The following HTT variants were observed in gnomAD, a reference collection of about 807,000 sequenced individuals.
HTT encodes huntingtin, also known as huntington disease protein.
Under a neutral mutation model 362.3 loss-of-function variants are expected in HTT, and 104 were observed. That is an observed-to-expected ratio of 0.29 (90% CI 0.24 to 0.34). The LOEUF (loss-of-function observed/expected upper bound fraction) is 0.34, where lower values mean the gene tolerates loss of function less well. HTT is among the 10% of genes least tolerant of loss of function. The probability of loss-of-function intolerance (pLI) is 1.00; values close to 1 mark genes in which losing one functional copy is unlikely to be tolerated. For missense variants in HTT, 3,301 were observed against 3,928.6 expected, an observed-to-expected ratio of 0.84 and a Z score of 4.27; for synonymous variants, 1,577 against 1,548.7, an observed-to-expected ratio of 1.02 and a Z score of -0.43.
Position 3,176,027 on chromosome 4 carries a change from T to TTG in HTT, c.4407+921_4407+922insGT, listed in dbSNP as rs1351503682. Among the ~76,000 whole-genome samples, 112 of 141,968 alleles carry TTG rather than the reference T, an allele frequency of 7.9e-4. 1 individual carries two copies. The highest frequency in any genetic ancestry group is 3.1e-3 in the African/African-American group (102 of 32,980). The allele number at this position is 141,968 out of a possible 152,430, so 93.1% of individuals were successfully genotyped here. On this transcript the variant is annotated intron_variant, in intron 33 of 66. Coordinates refer to ENST00000355072, the MANE Select transcript of HTT (RefSeq NM_001388492.1). ...TGTTTTTTTTGTTGTTGTTGTTTGT[T>TTG]TTTTTTTGTTTTTTTTTTGAGATGG... is the stretch of plus-strand genomic sequence containing the variant.
chr4:3,186,802 A>G, intron 38 of HTT, 83 bp downstream of exon 38: 7 of 904,834 alleles, frequency 7.7e-6, no homozygotes, highest in East Asian at 3.8e-5. Context: ...AGAATGTCTG[A>G]GTCAGTCAGT....
At chr4:3,179,576 G>C (rs1405023209) in intron 35 of HTT, among the ~76,000 whole-genome samples, 4 of 151,992 alleles carry the variant, frequency 2.6e-5, no homozygotes, top group African/African-American at 9.7e-5. Context: ...TGAGGGGTCA[G>C]AGGGTGCCTC....
chr4:3,132,877 C>T lies in HTT; in HGVS notation c.2459C>T (p.Ser820Phe), dbSNP rs370174870. The T allele has an allele frequency of 5.6e-6, 9 of 1,613,906 alleles. No homozygotes were observed. Among genetic ancestry groups the T allele is most frequent in the Non-Finnish European group, 7.6e-6 (9 of 1,179,886 alleles). ...LLRKTLKDES[S>F]VTCKLACTAV... is the part of the protein sequence containing the mutation. ...CGGAAAACACTGAAGGATGAGTCTT[C>T]TGTTACTTGCAAGTTAGCTTGTACA... The change falls in exon 18 of 67, where the codon TCT becomes TTT. Residue 820 changes from serine to phenylalanine, a missense_variant. By Grantham distance (155) the Ser-to-Phe change is radical. Transcript: ENST00000355072.
intron 29 of HTT, among the ~76,000 whole-genome samples, chr4:3,160,975 G>GT (rs1350852589): frequency 1.3e-5 from 2 of 152,088 alleles, no homozygotes; most frequent in African/African-American, 4.8e-5. Flanking sequence ...AGAATGTGCA[G>GT]TTTTGTTACA....
chr4:3,084,225 G>A (rs1172820052), intron 1 of HTT, among the ~76,000 whole-genome samples: 4 of 115,024 alleles, frequency 3.5e-5, no homozygotes, highest in African/African-American at 1.3e-4. Context: ...TTTTTTTGGC[G>A]ACAGAGTCTT....
At chr4:3,092,715 T>C (rs192352046) in intron 2 of HTT, among the ~76,000 whole-genome samples, 1 of 152,368 alleles carries the variant, frequency 6.6e-6, no homozygotes, top group Non-Finnish European at 1.5e-5. Flanking sequence ...GGAAAATATA[T>C]TAACAATGTG....
chr4:3,219,323 G>T (rs150246032), intron 52 of HTT, among the ~76,000 whole-genome samples: 1 of 152,126 alleles, frequency 6.6e-6, no homozygotes, highest in South Asian at 2.1e-4. Context: ...AGGTCATGCC[G>T]TCCAGAGCAC....
intron 1 of HTT, among the ~76,000 whole-genome samples, chr4:3,078,925 C>G (rs138997144): frequency 0.022 from 3,407 of 152,200 alleles, 104 homozygotes; most frequent in African/African-American, 0.073. Flanking sequence ...TTAATAGAGA[C>G]GGGGTTTCAC....
chr4:3,097,229 T>C (rs1426216073), intron 2 of HTT, among the ~76,000 whole-genome samples: 1 of 152,124 alleles, frequency 6.6e-6, no homozygotes, highest in Non-Finnish European at 1.5e-5. Context: ...AGCTGGTTCA[T>C]CAAGAACATC....
intron 33 of HTT, among the ~76,000 whole-genome samples, chr4:3,176,079 G>A (rs1718229405): frequency 1.3e-5 from 2 of 149,662 alleles, no homozygotes; most frequent in East Asian, 3.9e-4. Flanking sequence ...CCAGGCTGGA[G>A]TGCAGGGGTG....
intron 24 of HTT, among the ~76,000 whole-genome samples, chr4:3,146,308 G>C (rs1716596077): frequency 6.6e-6 from 1 of 152,192 alleles, no homozygotes; most frequent in Non-Finnish European, 1.5e-5. Flanking sequence ...TTTACTACAA[G>C]ATATGGCGTG....
chr4:3,214,243 A>T lies in HTT; in HGVS notation c.6952+108A>T, dbSNP rs943939262. ...CCAGGTACTAAGCTAGGAATTGGGG[A>T]TGGAGAGGTAGATAAAATATGCATC... is the stretch of plus-strand genomic sequence containing the variant. On this transcript the variant is annotated intron_variant, in intron 50 of 66. Transcript: ENST00000355072. 9 of 817,422 alleles carry T rather than the reference A, an allele frequency of 1.1e-5. No homozygotes were observed. In the Admixed American group the frequency reaches 3.3e-4, roughly 30 times the overall value. The allele number at this position is 817,422 out of a possible 1,614,324, so 50.6% of individuals were successfully genotyped here. A position where few individuals can be genotyped will look rare whatever the true frequency, so the allele number is the denominator to read the frequency against.
chr4:3,142,282 A>G (rs1166660095), intron 22 of HTT, among the ~76,000 whole-genome samples: 5 of 152,226 alleles, frequency 3.3e-5, no homozygotes, highest in African/African-American at 4.8e-5. Context: ...GATTGGCTTT[A>G]TTCAAACCAC....
At chr4:3,210,441 A>G (rs1465041915) in intron 47 of HTT, among the ~76,000 whole-genome samples, 2 of 152,222 alleles carry the variant, frequency 1.3e-5, no homozygotes, top group South Asian at 2.1e-4. Flanking sequence ...TAGTCGTAAA[A>G]GAGACCCTTG....
chr4:3,202,351 A>G (rs988433172), intron 41 of HTT, among the ~76,000 whole-genome samples: 1 of 152,200 alleles, frequency 6.6e-6, no homozygotes, highest in South Asian at 2.1e-4. Context: ...TCTACTGCTC[A>G]TATTTGAATT....
chr4:3,133,387 G>A lies in HTT; in HGVS notation c.2493+476G>A, dbSNP rs374473823. ...GCATACCTGTAGTCTCAGCTACTCGGGAAGCTGAGGTGGAGGGGGGATTGC... is the reference window on the plus strand; with the variant it reads ...GCATACCTGTAGTCTCAGCTACTCGAGAAGCTGAGGTGGAGGGGGGATTGC... On this transcript the variant is annotated intron_variant, in intron 18 of 66. Transcript: ENST00000355072. Among the ~76,000 whole-genome samples, 9 of 151,802 alleles carry A rather than the reference G, an allele frequency of 5.9e-5. No homozygotes were observed. In the East Asian group the frequency reaches 1.7e-3, roughly 29 times the overall value.
At chr4:3,145,324 T>A (rs1716547883) in intron 24 of HTT, 96 bp downstream of exon 24, 1 of 937,504 alleles carries the variant, frequency 1.1e-6, no homozygotes, top group African/African-American at 1.6e-5. Flanking sequence ...TTTAAGTCTT[T>A]TATCAATTTG....
At chr4:3,108,459 G>A (rs771549688) in intron 6 of HTT, among the ~76,000 whole-genome samples, 1 of 152,200 alleles carries the variant, frequency 6.6e-6, no homozygotes, top group African/African-American at 2.4e-5. Context: ...GGGAGTAGGT[G>A]CTCCTTTGTG....
At chr4:3,088,300 C>T (rs952174918) in intron 2 of HTT, among the ~76,000 whole-genome samples, 4 of 151,366 alleles carry the variant, frequency 2.6e-5, no homozygotes, top group African/African-American at 9.8e-5. Flanking sequence ...CATTCTCCTG[C>T]TTCAGCCTGG....
Sources: allele counts gnomAD v4.1 joint callset (sites outside exome capture counted in the v4.1 genomes callset), GRCh38; gene constraint gnomAD v4.1.1; transcripts MANE v1.5; gene names NCBI Gene and HGNC (gene_info 2026-07-23, HGNC 2026-07-21).